Variants in ZFHX3 observed in about 807,000 individuals in gnomAD.
ZFHX3 encodes zinc finger homeobox protein 3.
Under a neutral mutation model 279.1 loss-of-function variants are expected in ZFHX3, and 42 were observed. That is an observed-to-expected ratio of 0.15 (90% CI 0.12 to 0.19). The LOEUF is 0.19. Ranked by LOEUF, ZFHX3 falls within the 10% of genes least tolerant of loss-of-function variation. The probability of loss-of-function intolerance (pLI) is 1.00; values close to 1 mark genes in which losing one functional copy is unlikely to be tolerated. For missense variants in ZFHX3, 4,981 were observed against 4,754.0 expected (o/e 1.05, Z -1.40); for synonymous variants, 2,293 against 1,957.8 (o/e 1.17, Z -4.52).
intron 1 of ZFHX3, among the ~76,000 whole-genome samples, chr16:73,687,748 T>A (rs1051510588): frequency 7.1e-6 from 1 of 141,528 alleles, no homozygotes; most frequent in Admixed American, 7.8e-5. Flanking sequence ...CTCAGGAGAC[T>A]GGGGCAGGAG....
chr16:72,787,246 C>T lies in ZFHX3; in HGVS notation c.11030G>A (p.Ser3677Asn). 1.2e-6 allele frequency: 2 copies of T among 1,614,112 alleles called. No homozygotes were observed. Among genetic ancestry groups the T allele is most frequent in the Non-Finnish European group, 1.7e-6 (2 of 1,180,032 alleles). ...DLSQKSDGPA[S>N]PVEGPKDPSC... ...GGGGTCTTTGGGACCCTCCACCGGG[C>T]TCGCCGGTCCGTCGGACTTTTGGCT... The change falls in exon 10 of 10, where the codon AGC becomes AAC. Residue 3677 changes from serine (S) to asparagine (N), a missense_variant. Coordinates refer to ENST00000268489, the MANE Select transcript of ZFHX3 (RefSeq NM_006885.4).
chr16:73,225,734 T>G (rs2012572027), intron 5 of ZFHX3, among the ~76,000 whole-genome samples: 1 of 152,212 alleles, frequency 6.6e-6, no homozygotes, highest in Non-Finnish European at 1.5e-5. Context: ...AACACTGTGT[T>G]CTGCATAGTA....
At chr16:73,585,102 C>G (rs1410971373) in intron 2 of ZFHX3, among the ~76,000 whole-genome samples, 1 of 152,122 alleles carries the variant, frequency 6.6e-6, no homozygotes, top group African/African-American at 2.4e-5. Context: ...TGTGGAGAGA[C>G]AGGATCACTT....
chr16:72,925,665 G>C (rs1046231859), intron 3 of ZFHX3, among the ~76,000 whole-genome samples: 1 of 152,238 alleles, frequency 6.6e-6, no homozygotes, highest in Non-Finnish European at 1.5e-5. Context: ...AAAAAGGAAT[G>C]AATGAAAGCA....
intron 2 of ZFHX3, among the ~76,000 whole-genome samples, chr16:73,568,305 T>TTTTTTTTTTTTTTTG (rs2020478066): frequency 6.6e-6 from 1 of 151,944 alleles, no homozygotes; most frequent in African/African-American, 2.4e-5. Context: ...AAAACAGTTT[T>TTTTTTTTTTTTTTTG]AAGAGTTGGA....
intron 3 of ZFHX3, among the ~76,000 whole-genome samples, chr16:72,891,503 C>T (rs535204511): frequency 4.0e-4 from 61 of 152,214 alleles, no homozygotes; most frequent in African/African-American, 1.5e-3. Flanking sequence ...TGAATGTGCA[C>T]CTGGTGTAGA....
chr16:73,003,519 C>A (rs2010055), intron 1 of ZFHX3, among the ~76,000 whole-genome samples: 3 of 144,258 alleles, frequency 2.1e-5, no homozygotes, highest in South Asian at 2.2e-4. Context: ...GAGACCCCCC[C>A]CTCCCCACCC....
chr16:73,119,407 C>T (rs992491096), intron 7 of ZFHX3, among the ~76,000 whole-genome samples: 12 of 152,156 alleles, frequency 7.9e-5, no homozygotes, highest in Non-Finnish European at 1.3e-4. Flanking sequence ...ACACTCAGCC[C>T]GGAAGCACTT....
At chr16:73,093,603 A>C (rs748642570) in intron 7 of ZFHX3, 2 of 510,344 alleles carry the variant, frequency 3.9e-6, no homozygotes, top group South Asian at 2.9e-5. Flanking sequence ...CGTCTCCTGC[A>C]AACAGACAGC....
At chr16:73,321,326 A>T (rs1411371519) in intron 3 of ZFHX3, among the ~76,000 whole-genome samples, 1 of 152,214 alleles carries the variant, frequency 6.6e-6, no homozygotes, top group Non-Finnish European at 1.5e-5. Context: ...GTCACTAGCT[A>T]GCCTGGTGAC....
intron 1 of ZFHX3, among the ~76,000 whole-genome samples, chr16:73,767,631 A>G (rs1199922154): frequency 6.6e-6 from 1 of 152,214 alleles, no homozygotes; most frequent in Non-Finnish European, 1.5e-5. Context: ...TAAGAGAAAT[A>G]TATTACATAG....
chr16:73,542,774 A>T (rs2020041408), intron 2 of ZFHX3, among the ~76,000 whole-genome samples: 1 of 151,922 alleles, frequency 6.6e-6, no homozygotes, highest in African/African-American at 2.4e-5. Flanking sequence ...GCATACTCAT[A>T]CTAAAAAAAA....
chr16:73,542,269 G>T (rs2020030702), intron 2 of ZFHX3, among the ~76,000 whole-genome samples: 1 of 151,926 alleles, frequency 6.6e-6, no homozygotes, highest in African/African-American at 2.4e-5. Context: ...ATTTGGGTGG[G>T]CCTGGGGCGG....
chr16:72,805,683 C>T (rs566055139), intron 7 of ZFHX3, among the ~76,000 whole-genome samples: 1 of 152,200 alleles, frequency 6.6e-6, no homozygotes, highest in Non-Finnish European at 1.5e-5. Flanking sequence ...TGCTCACTTC[C>T]TTTCCTGTAC....
chr16:73,782,473 C>T (rs1959505376), intron 1 of ZFHX3, among the ~76,000 whole-genome samples: 1 of 152,206 alleles, frequency 6.6e-6, no homozygotes, highest in African/African-American at 2.4e-5. Context: ...TAGAGGAGGA[C>T]TTGAAGGACG....
At position 73,317,160 on chromosome 16, in the gene ZFHX3, T is replaced by C. The variant is rs546813292; in HGVS notation, c.-1194+1080A>G. Among the ~76,000 whole-genome samples the C allele has an allele frequency of 6.6e-5, 10 of 151,400 alleles. No homozygotes were observed. The East Asian group carries it at 2.0e-3, about 30-fold the overall frequency. Reference sequence around the variant, plus strand: ...GGGGGGTGGGTGGTGGTGAAAACAATACCCACCATGATACTGATGGGCAGG... The same window carrying C: ...GGGGGGTGGGTGGTGGTGAAAACAACACCCACCATGATACTGATGGGCAGG... On this transcript the variant is annotated intron_variant, in intron 4 of 17. Coordinates refer to the ZFHX3 transcript ENST00000641206.
intron 2 of ZFHX3, among the ~76,000 whole-genome samples, chr16:73,590,430 G>C (rs1052042022): frequency 1.3e-5 from 2 of 152,148 alleles, no homozygotes; most frequent in African/African-American, 4.8e-5. Flanking sequence ...GATGACAAAG[G>C]CTACATCAAA....
chr16:72,791,136 A>G (rs1440759318), intron 9 of ZFHX3: 1 of 152,180 alleles, frequency 6.6e-6, no homozygotes, highest in South Asian at 2.1e-4. Context: ...GGTCACACAC[A>G]TCAGACGTGT....
At chr16:73,759,374 A>T (rs985726855) in intron 1 of ZFHX3, among the ~76,000 whole-genome samples, 12 of 152,166 alleles carry the variant, frequency 7.9e-5, no homozygotes, top group Non-Finnish European at 1.8e-4. Context: ...ATGACCTGGA[A>T]GTTGCACATA....
Sources: gnomAD v4.1 joint callset for allele counts (sites outside exome capture counted in the v4.1 genomes callset) on GRCh38, gnomAD v4.1.1 for gene constraint, MANE v1.5 for transcripts, NCBI Gene and HGNC (gene_info 2026-07-23, HGNC 2026-07-21) for gene names.